Variants in LRRC7 observed in about 807,000 individuals in gnomAD.
LRRC7 encodes the protein leucine-rich repeat-containing protein 7.
In LRRC7, 23 loss-of-function variants were observed where a neutral mutation model predicts 175.7. That is an observed-to-expected ratio of 0.13 (90% confidence interval 0.09 to 0.19). LRRC7 has a LOEUF of 0.19. LRRC7 is among the 10% of genes least tolerant of loss of function. LRRC7 has a pLI of 1.00. For synonymous variants in LRRC7, 685 were observed against 680.9 expected, an observed-to-expected ratio of 1.01 and a Z score of -0.09; for missense variants, 1,354 against 1,904.7, an observed-to-expected ratio of 0.71 and a Z score of 5.38.
At chr1:69,597,157 T>C (rs1009011350) in intron 1 of LRRC7, among the ~76,000 whole-genome samples, 1 of 152,234 alleles carries the variant, frequency 6.6e-6, no homozygotes, top group African/African-American at 2.4e-5. Context: ...AAGTGTCTTA[T>C]GACATTTACT....
At chr1:69,590,536 G>T (rs970663933) in intron 1 of LRRC7, among the ~76,000 whole-genome samples, 1 of 152,082 alleles carries the variant, frequency 6.6e-6, no homozygotes, top group Non-Finnish European at 1.5e-5. Context: ...CTCCAAAAAT[G>T]GTCCGTAACA....
chr1:69,585,427 T>C (rs1398962565), intron 1 of LRRC7, among the ~76,000 whole-genome samples: 1 of 152,138 alleles, frequency 6.6e-6, no homozygotes, highest in Non-Finnish European at 1.5e-5. Context: ...CCAGGAAAGT[T>C]TTATTACATC....
intron 3 of LRRC7, among the ~76,000 whole-genome samples, chr1:69,761,720 A>G (rs1671057013): frequency 6.6e-6 from 1 of 151,986 alleles, no homozygotes; most frequent in Admixed American, 6.6e-5. Context: ...CAGATGAGGA[A>G]CTACTTAAGG....
chr1:69,857,108 A>G (rs1209706250), intron 7 of LRRC7, among the ~76,000 whole-genome samples: 4 of 152,102 alleles, frequency 2.6e-5, no homozygotes, highest in Non-Finnish European at 5.9e-5. Context: ...TTGATGGGAT[A>G]TATCTCAAAA....
At chr1:69,862,702 CTTT>C (rs1324845159) in intron 7 of LRRC7, among the ~76,000 whole-genome samples, 1 of 152,050 alleles carries the variant, frequency 6.6e-6, no homozygotes, top group Non-Finnish European at 1.5e-5. Flanking sequence ...TTGTTCATAT[CTTT>C]TTTTATTATA....
At chr1:69,708,134 C>T (rs1049873135) in intron 2 of LRRC7, among the ~76,000 whole-genome samples, 5 of 152,168 alleles carry the variant, frequency 3.3e-5, no homozygotes, top group East Asian at 3.8e-4. Flanking sequence ...TGATGTCCAT[C>T]AGCACCCTTA....
intron 11 of LRRC7, among the ~76,000 whole-genome samples, chr1:69,997,648 A>G (rs1223994977): frequency 5.3e-5 from 8 of 149,678 alleles, no homozygotes; most frequent in Admixed American, 2.7e-4. Flanking sequence ...TTCTGCATCT[A>G]TTGAGATAAT....
chr1:69,616,071 C>T (rs1649560654), intron 1 of LRRC7, among the ~76,000 whole-genome samples: 1 of 152,056 alleles, frequency 6.6e-6, no homozygotes, highest in Admixed American at 6.6e-5. Flanking sequence ...TGTTTCTCTA[C>T]TACCACTTAT....
chr1:69,691,710 A>G (rs561383560), intron 2 of LRRC7, among the ~76,000 whole-genome samples: 1 of 142,456 alleles, frequency 7.0e-6, no homozygotes, highest in African/African-American at 2.6e-5. Context: ...AGGTGGGAGG[A>G]TTGCTTGAGC....
At chr1:69,916,900 G>A (rs1309125630) in intron 7 of LRRC7, among the ~76,000 whole-genome samples, 1 of 151,992 alleles carries the variant, frequency 6.6e-6, no homozygotes, top group African/African-American at 2.4e-5. Flanking sequence ...ATAAAATGAA[G>A]GCAAGAAGGA....
At chr1:69,724,005 G>T (rs1283043161) in intron 2 of LRRC7, among the ~76,000 whole-genome samples, 3 of 152,138 alleles carry the variant, frequency 2.0e-5, no homozygotes, top group Non-Finnish European at 4.4e-5. Flanking sequence ...AGGACTCAAG[G>T]CTAGCAAAGA....
At chr1:69,686,634 T>G (rs975551650) in intron 2 of LRRC7, among the ~76,000 whole-genome samples, 2 of 151,770 alleles carry the variant, frequency 1.3e-5, no homozygotes, top group African/African-American at 2.4e-5. Flanking sequence ...AAAGGTGAAC[T>G]AAATATACTC....
chr1:69,683,943 A>G (rs1660807731), intron 2 of LRRC7, among the ~76,000 whole-genome samples: 1 of 152,188 alleles, frequency 6.6e-6, no homozygotes, highest in South Asian at 2.1e-4. Flanking sequence ...TAATTATGGG[A>G]AACAATTACA....
chr1:69,607,784 A>G (rs1647855416), intron 1 of LRRC7: 2 of 152,166 alleles, frequency 1.3e-5, no homozygotes, highest in African/African-American at 4.8e-5. Flanking sequence ...TCAGTAGATT[A>G]TGTTCAACTA....
intron 1 of LRRC7, among the ~76,000 whole-genome samples, chr1:69,618,811 A>T (rs890485488): frequency 8.5e-5 from 13 of 152,166 alleles, no homozygotes; most frequent in African/African-American, 2.2e-4. Context: ...CCTGCTTTCC[A>T]AGTTATCACT....
intron 6 of LRRC7, among the ~76,000 whole-genome samples, chr1:69,837,047 G>T (rs911936407): frequency 6.6e-6 from 1 of 151,836 alleles, no homozygotes; most frequent in African/African-American, 2.4e-5. Context: ...ACATTTTAAT[G>T]TTCTATATGG....
In LRRC7 at chr1:70,018,713, T is replaced by C. The variant is rs763695377; in HGVS notation, c.1321-6T>C. On this transcript the variant is annotated splice_polypyrimidine_tract_variant and splice_region_variant and intron_variant, in intron 14 of 26. Coordinates refer to ENST00000651989, the MANE Select transcript of LRRC7 (RefSeq NM_001370785.2). ...TTCATCTAATTTGTATGTTCTTTGC[T>C]TCTAGTCCAAAGCCCTTATCCCTTT... 148 of 1,602,530 alleles carry C rather than the reference T, an allele frequency of 9.2e-5. No individual in the cohort carries two copies. Among genetic ancestry groups the C allele is most frequent in the Non-Finnish European group, 1.7e-6 (2 of 1,170,624 alleles).
intron 2 of LRRC7, among the ~76,000 whole-genome samples, chr1:69,699,374 T>C (rs973166277): frequency 4.6e-5 from 7 of 152,106 alleles, no homozygotes; most frequent in African/African-American, 1.4e-4. Context: ...ACCCCATCTC[T>C]ACTAAAAGTA....
chr1:69,986,801 T>C (rs943811346), intron 10 of LRRC7, among the ~76,000 whole-genome samples: 1 of 152,224 alleles, frequency 6.6e-6, no homozygotes, highest in Admixed American at 6.5e-5. Context: ...TGGTATAATG[T>C]AGGAGTAACA....
Sources: gnomAD v4.1 joint callset for allele counts (sites outside exome capture counted in the v4.1 genomes callset) on GRCh38, gnomAD v4.1.1 for gene constraint, MANE v1.5 for transcripts, NCBI Gene and HGNC (gene_info 2026-07-23, HGNC 2026-07-21) for gene names.